The following ARPC1B variants were observed in gnomAD, a reference collection of about 807,000 sequenced individuals.
The protein encoded by ARPC1B is actin-related protein 2/3 complex subunit 1B.
ARPC1B carries 29 observed loss-of-function variants against 46.0 expected under a neutral mutation model. The ratio of observed to expected loss-of-function variants is 0.63; its 90% CI spans 0.47 to 0.86. The LOEUF is 0.86. Ranked by LOEUF, ARPC1B falls within the 40% of genes least tolerant of loss-of-function variation. The pLI is 0.00. For missense variants in ARPC1B, 469 were observed against 529.4 expected, an observed-to-expected ratio of 0.89 and a Z score of 1.12; for synonymous variants, 201 against 213.9, an observed-to-expected ratio of 0.94 and a Z score of 0.53.
chr7:99,376,134 T>C (rs1465749866), intron 1 of ARPC1B, among the ~76,000 whole-genome samples: 1 of 151,358 alleles, frequency 6.6e-6, no homozygotes, highest in East Asian at 1.9e-4. Flanking sequence ...AGAGAATTGC[T>C]TGAACCTGCC....
In ARPC1B at chr7:99,390,834, A is replaced by G. The variant is rs557924133; in HGVS notation, c.501-59A>G. 36 of 1,475,780 alleles carry G rather than the reference A, an allele frequency of 2.4e-5. No homozygotes were observed. The East Asian group carries it at 7.5e-4, about 31-fold the overall frequency. The allele number at this position is 1,475,780 out of a possible 1,614,324, so 91.4% of individuals were successfully genotyped here. ...CGCCTCAGCCTCCTGAGTAGCTGAG[A>G]GTACAGGTGCGCACCACCATGCCTG... is the stretch of plus-strand genomic sequence containing the variant. On this transcript the variant is annotated intron_variant, in intron 5 of 9. Coordinates refer to ENST00000646101, the MANE Select transcript of ARPC1B (RefSeq NM_005720.4).
intron 4 of ARPC1B, 45 bp downstream of exon 4, chr7:99,388,306 G>A (rs772224589): frequency 2.5e-6 from 4 of 1,589,548 alleles, no homozygotes; most frequent in Non-Finnish European, 3.4e-6. Flanking sequence ...GGGACCGGGG[G>A]CAGGACTAGA....
intron 1 of ARPC1B, among the ~76,000 whole-genome samples, chr7:99,383,397 C>T (rs1794286382): frequency 6.6e-6 from 1 of 152,118 alleles, no homozygotes; most frequent in African/African-American, 2.4e-5. Flanking sequence ...AAAATTTGTT[C>T]AGCGGATATT....
chr7:99,377,938 A>T (rs1794078178), intron 1 of ARPC1B, among the ~76,000 whole-genome samples: 1 of 152,000 alleles, frequency 6.6e-6, no homozygotes. Context: ...GTCGGTTGAT[A>T]GGTCTTTTCT....
intron 1 of ARPC1B, 101 bp from the exon 2 acceptor site, chr7:99,385,588 ACTGAGGGGCCTCC>A: frequency 1.1e-6 from 1 of 901,632 alleles, no homozygotes; most frequent in Non-Finnish European, 1.7e-6. Flanking sequence ...GCCCCTCTAA[ACTGAGGGGCCTCC>A]CTGGTGTGAG....
intron 7 of ARPC1B, among the ~76,000 whole-genome samples, chr7:99,391,800 CCAG>C (rs1004023600): frequency 2.6e-5 from 4 of 151,372 alleles, no homozygotes; most frequent in Non-Finnish European, 5.9e-5. Context: ...ACCTGTAATC[CCAG>C]CAATTTGGGA....
chr7:99,385,897 T>G (rs1265385362), intron 2 of ARPC1B, 119 bp downstream of exon 2: 18 of 1,076,764 alleles, frequency 1.7e-5, no homozygotes, highest in Non-Finnish European at 2.3e-5. Context: ...TCCATGTGGC[T>G]GTCCCCTGGC....
intron 8 of ARPC1B, among the ~76,000 whole-genome samples, chr7:99,393,156 C>CG (rs1353645766): frequency 1.3e-5 from 2 of 152,100 alleles, no homozygotes; most frequent in African/African-American, 2.4e-5. Context: ...GGTCGCGTAG[C>CG]GGGCCCAGGG....
chr7:99,393,243 C>T (rs751091058), intron 8 of ARPC1B, among the ~76,000 whole-genome samples: 177 of 152,354 alleles, frequency 1.2e-3, no homozygotes, highest in Non-Finnish European at 2.0e-3. Context: ...ACCATAGCAG[C>T]CCAGGTGCTA....
intron 1 of ARPC1B, among the ~76,000 whole-genome samples, chr7:99,377,079 AT>A (rs1794049676): frequency 1.3e-5 from 2 of 151,708 alleles, no homozygotes; most frequent in Non-Finnish European, 2.9e-5. Context: ...TGGCTTGATC[AT>A]AACTCACTTT....
chr7:99,378,298 C>T (rs145910095), intron 1 of ARPC1B, among the ~76,000 whole-genome samples: 1 of 151,660 alleles, frequency 6.6e-6, no homozygotes, highest in African/African-American at 2.4e-5. Flanking sequence ...TCTCCGAACT[C>T]CTGGACTCAA....
intron 1 of ARPC1B, among the ~76,000 whole-genome samples, chr7:99,379,351 A>T (rs561107034): frequency 6.6e-6 from 1 of 151,974 alleles, no homozygotes; most frequent in Non-Finnish European, 1.5e-5. Flanking sequence ...CTGGAGAGGG[A>T]AGGATAGGGG....
At chr7:99,378,901 CGA>C (rs1489032654) in intron 1 of ARPC1B, among the ~76,000 whole-genome samples, 2 of 151,018 alleles carry the variant, frequency 1.3e-5, no homozygotes, top group Non-Finnish European at 3.0e-5. Context: ...CTCAGCCTCC[CGA>C]GTAGCTGGGA....
At chr7:99,381,629 T>C (rs757014127) in intron 1 of ARPC1B, among the ~76,000 whole-genome samples, 5 of 152,218 alleles carry the variant, frequency 3.3e-5, no homozygotes, top group Non-Finnish European at 7.3e-5. Flanking sequence ...TGTCCTGTGC[T>C]GCTCCAGGAA....
In ARPC1B at chr7:99,394,778, G is replaced by A. The variant is rs1440745860; in HGVS notation, c.*289G>A. The stretch of plus-strand genomic sequence containing the variant: ...TGTGGAGGTAATAAAATGCAACTGT[G>A]TAAAAAAAAAAAAAAAAAAAAAAGT... On this transcript the variant is annotated 3_prime_UTR_variant, in exon 10 of 10. Transcript: ENST00000646101. The A allele has an allele frequency of 2.5e-6, 2 of 789,662 alleles. No individual in the cohort carries two copies. Among genetic ancestry groups the A allele is most frequent in the Non-Finnish European group, 1.5e-6 (1 of 659,604 alleles). The allele number at this position is 789,662 out of a possible 1,614,324, so 48.9% of individuals were successfully genotyped here.
intron 8 of ARPC1B, among the ~76,000 whole-genome samples, chr7:99,393,741 C>T (rs1309030371): frequency 1.3e-5 from 2 of 152,140 alleles, no homozygotes; most frequent in Non-Finnish European, 2.9e-5. Context: ...GCTGCCCCCA[C>T]CCCCATCTCC....
At chr7:99,381,819 C>T (rs1453232878) in intron 1 of ARPC1B, among the ~76,000 whole-genome samples, 1 of 152,230 alleles carries the variant, frequency 6.6e-6, no homozygotes, top group Non-Finnish European at 1.5e-5. Flanking sequence ...TCTGCCTTTC[C>T]CTTGTGCCTG....
At position 99,388,029 on chromosome 7, in the gene ARPC1B, C is replaced by T. The variant is rs908368634; in HGVS notation, c.170-10C>T. On this transcript the variant is annotated splice_polypyrimidine_tract_variant and intron_variant, in intron 3 of 9. Transcript: ENST00000646101. ...CATCAGCCTCCTGTGTTCCCTCCAT[C>T]CCCCCACAGGCATCGACTGGGCCCC... 2 of 1,566,862 alleles carry T rather than the reference C, an allele frequency of 1.3e-6. No homozygotes were observed. The highest frequency in any genetic ancestry group is 1.7e-5 in the Admixed American group (1 of 59,206).
chr7:99,389,922 T>G lies in ARPC1B; in HGVS notation c.410T>G (p.Ile137Ser). 2 of 1,614,066 alleles carry G rather than the reference T, an allele frequency of 1.2e-6. No homozygotes were observed. The highest frequency in any genetic ancestry group is 1.7e-6 in the Non-Finnish European group (2 of 1,179,994). The change falls in exon 5 of 10, where the codon ATC becomes AGC. Residue 137 changes from isoleucine to serine, a missense_variant. Physicochemically the swap from Ile to Ser is moderately radical, Grantham distance 142. Coordinates refer to ENST00000646101, the MANE Select transcript of ARPC1B (RefSeq NM_005720.4). ...QENDWWVCKH[I>S]KKPIRSTVLS... ...GTTCCCAGGTGGGTTTGCAAGCACA[T>G]CAAGAAGCCCATCCGCTCCACCGTC...
Sources: gnomAD v4.1 joint callset for allele counts (sites outside exome capture counted in the v4.1 genomes callset) on GRCh38, gnomAD v4.1.1 for gene constraint, MANE v1.5 for transcripts, NCBI Gene and HGNC (gene_info 2026-07-23, HGNC 2026-07-21) for gene names.